Variants in TTC28 observed in about 807,000 individuals in gnomAD.
TTC28 encodes the protein tetratricopeptide repeat domain 28, also known as tetratricopeptide repeat protein 28.
TTC28 carries 61 observed loss-of-function variants against 198.0 expected under a neutral mutation model. The ratio of observed to expected loss-of-function variants is 0.31; its 90% CI spans 0.25 to 0.38. The LOEUF (loss-of-function observed/expected upper bound fraction) is 0.38, where lower values mean the gene tolerates loss of function less well. Ranked by LOEUF, TTC28 falls within the 10% of genes least tolerant of loss-of-function variation. The pLI, the probability that TTC28 is intolerant of heterozygous loss-of-function variation, is 1.00. For synonymous variants in TTC28, 1,171 were observed against 1,297.8 expected, an observed-to-expected ratio of 0.90 and a Z score of 2.10; for missense variants, 2,678 against 3,164.0, an observed-to-expected ratio of 0.85 and a Z score of 3.69.
intron 5 of TTC28, among the ~76,000 whole-genome samples, chr22:28,259,757 G>A (rs910381501): frequency 4.6e-5 from 7 of 152,100 alleles, no homozygotes; most frequent in African/African-American, 1.7e-4. Context: ...GGAAATGTCA[G>A]TTGAAACTAC....
chr22:28,239,306 G>A (rs981045051), intron 5 of TTC28, among the ~76,000 whole-genome samples: 1 of 152,084 alleles, frequency 6.6e-6, no homozygotes, highest in African/African-American at 2.4e-5. Context: ...TGGCTATTGA[G>A]AACTTAAAAT....
At chr22:28,156,756 T>C (rs1252938105) in intron 6 of TTC28, among the ~76,000 whole-genome samples, 1 of 152,248 alleles carries the variant, frequency 6.6e-6, no homozygotes, top group Non-Finnish European at 1.5e-5. Context: ...AAACACTGTG[T>C]ACTGGAGCAG....
intron 5 of TTC28, among the ~76,000 whole-genome samples, chr22:28,187,996 C>A (rs79906135): frequency 0.054 from 8,200 of 152,244 alleles, 272 homozygotes; most frequent in African/African-American, 0.069. Context: ...TTGATGTATT[C>A]ACCACTCAAC....
At chr22:28,608,911 C>T (rs552287864) in intron 2 of TTC28, among the ~76,000 whole-genome samples, 4 of 152,240 alleles carry the variant, frequency 2.6e-5, no homozygotes, top group African/African-American at 9.6e-5. Flanking sequence ...CCAATAACAA[C>T]AACAACAAAC....
At chr22:28,099,176 C>T (rs1942065586) in intron 9 of TTC28, 132 bp from the exon 10 acceptor site, 2 of 1,272,858 alleles carry the variant, frequency 1.6e-6, no homozygotes, top group African/African-American at 3.0e-5. Context: ...AAGGAAGAGT[C>T]TGATGTCCAG....
At chr22:28,040,939 A>G (rs924151318) in intron 12 of TTC28, among the ~76,000 whole-genome samples, 1 of 152,200 alleles carries the variant, frequency 6.6e-6, no homozygotes, top group Non-Finnish European at 1.5e-5. Context: ...CTCTACACCA[A>G]TAATAGACAA....
At chr22:28,305,138 G>A (rs546752630) in intron 3 of TTC28, among the ~76,000 whole-genome samples, 2 of 151,930 alleles carry the variant, frequency 1.3e-5, no homozygotes, top group South Asian at 2.1e-4. Context: ...CTACAGGCGC[G>A]CACTACCACA....
chr22:28,360,591 G>C (rs189163981), intron 2 of TTC28, among the ~76,000 whole-genome samples: 51 of 152,176 alleles, frequency 3.4e-4, no homozygotes, highest in Admixed American at 1.0e-3. Context: ...TAGTAAATCT[G>C]AAACACAGAA....
intron 6 of TTC28, among the ~76,000 whole-genome samples, chr22:28,117,617 A>G (rs2038286): frequency 0.98 from 149,284 of 152,314 alleles, 73,156 homozygotes; most frequent in East Asian, 1. Context: ...GGTGCCCTCG[A>G]GTTAGTTAAT....
intron 2 of TTC28, among the ~76,000 whole-genome samples, chr22:28,387,890 T>G (rs1466092821): frequency 6.6e-6 from 1 of 152,222 alleles, no homozygotes; most frequent in East Asian, 1.9e-4. Context: ...TGCCATTGCT[T>G]TTGGTGTTTT....
At chr22:28,234,448 C>G (rs914603170) in intron 5 of TTC28, among the ~76,000 whole-genome samples, 1 of 152,098 alleles carries the variant, frequency 6.6e-6, no homozygotes, top group Non-Finnish European at 1.5e-5. Flanking sequence ...TCTCAGCTCA[C>G]TGCAACCTCA....
At chr22:28,395,576 G>A (rs2046801501) in intron 2 of TTC28, among the ~76,000 whole-genome samples, 3 of 145,840 alleles carry the variant, frequency 2.1e-5, no homozygotes, top group Non-Finnish European at 4.5e-5. Flanking sequence ...AGCTTGCAGT[G>A]AGCACTCCAG....
chr22:28,356,438 T>C (rs1051132488), intron 2 of TTC28, among the ~76,000 whole-genome samples: 1 of 152,212 alleles, frequency 6.6e-6, no homozygotes, highest in African/African-American at 2.4e-5. Flanking sequence ...GCCACATAAT[T>C]TGGCTAGTGC....
chr22:28,552,172 C>T (rs1488286740), intron 2 of TTC28, among the ~76,000 whole-genome samples: 2 of 152,054 alleles, frequency 1.3e-5, no homozygotes, highest in African/African-American at 4.8e-5. Context: ...TATACCTAAC[C>T]AAGGAGGCGA....
intron 2 of TTC28, among the ~76,000 whole-genome samples, chr22:28,485,518 T>C (rs1472146767): frequency 2.0e-5 from 3 of 152,166 alleles, no homozygotes; most frequent in East Asian, 1.9e-4. Context: ...CAATTCTCCA[T>C]GCCCTCACCA....
At chr22:28,161,192 G>A (rs895600706) in intron 6 of TTC28, among the ~76,000 whole-genome samples, 8 of 152,166 alleles carry the variant, frequency 5.3e-5, no homozygotes, top group African/African-American at 1.9e-4. Flanking sequence ...TGCAGGTCAA[G>A]CAGTGTTTAG....
chr22:27,985,167 C>T, intron 22 of TTC28, 82 bp downstream of exon 22: 1 of 1,037,480 alleles, frequency 9.6e-7, no homozygotes, highest in Non-Finnish European at 1.4e-6. Context: ...CTTCTGCTTC[C>T]CAAAATGTAT....
At chr22:28,361,388 G>A (rs1311074360) in intron 2 of TTC28, among the ~76,000 whole-genome samples, 1 of 152,082 alleles carries the variant, frequency 6.6e-6, no homozygotes, top group Non-Finnish European at 1.5e-5. Context: ...TTAGTGATCT[G>A]GATAGAGATC....
At chr22:28,644,391 T>C (rs1449496306) in intron 1 of TTC28, among the ~76,000 whole-genome samples, 4 of 96,694 alleles carry the variant, frequency 4.1e-5, no homozygotes, top group East Asian at 3.0e-4. Flanking sequence ...AGAGCAAGAC[T>C]CCATCTCAAA....
Sources: allele counts gnomAD v4.1 joint callset (sites outside exome capture counted in the v4.1 genomes callset), GRCh38; gene constraint gnomAD v4.1.1; transcripts MANE v1.5; gene names NCBI Gene and HGNC (gene_info 2026-07-23, HGNC 2026-07-21).